The following GRIP1 variants were observed in gnomAD, a reference collection of about 807,000 sequenced individuals.
GRIP1 encodes the protein glutamate receptor-interacting protein 1.
In GRIP1, 45 loss-of-function variants were observed where a neutral mutation model predicts 129.9. That is an observed-to-expected ratio of 0.35 (90% CI 0.27 to 0.44). The LOEUF (loss-of-function observed/expected upper bound fraction) is 0.44. Among genes scored for constraint, GRIP1 ranks in the 20% least tolerant of loss-of-function variants. The probability of loss-of-function intolerance (pLI) is 1.00; values close to 1 mark genes in which losing one functional copy is unlikely to be tolerated. For missense variants in GRIP1, 1,196 were observed against 1,396.8 expected (o/e 0.86, Z 2.29); for synonymous variants, 530 against 520.8 (o/e 1.02, Z -0.24).
intron 13 of GRIP1, 29 bp from the exon 14 acceptor site, chr12:66,432,657 A>C (rs1341765668): frequency 2.4e-6 from 3 of 1,247,848 alleles, no homozygotes; most frequent in Non-Finnish European, 3.5e-6. Context: ...AGAATGTGTT[A>C]ATAGAACACT....
intron 1 of GRIP1, among the ~76,000 whole-genome samples, chr12:66,715,467 T>TGA (rs2035850291): frequency 7.7e-6 from 1 of 129,714 alleles, no homozygotes; most frequent in African/African-American, 2.9e-5. Context: ...TGTGTGTGTG[T>TGA]GTGTGAGAGA....
chr12:67,007,882 G>A lies in GRIP1; in HGVS notation c.58+61168C>T, dbSNP rs935952762. Among the ~76,000 whole-genome samples the A allele has an allele frequency of 3.3e-5, 5 of 152,028 alleles. No individual in the cohort carries two copies. The East Asian group carries it at 9.6e-4, about 29-fold the overall frequency. ...AACAGCTGTGTTCTAGGCCTACAATGTGCATCAACATCTCTGAAATAATAT... is the reference window on the plus strand; with the variant it reads ...AACAGCTGTGTTCTAGGCCTACAATATGCATCAACATCTCTGAAATAATAT... On this transcript the variant is annotated intron_variant, in intron 1 of 1. Coordinates refer to the GRIP1 transcript ENST00000643019.
chr12:66,379,520 C>A, intron 19 of GRIP1, 84 bp from the exon 20 acceptor site: 3 of 1,306,692 alleles, frequency 2.3e-6, no homozygotes, highest in Non-Finnish European at 3.3e-6. Flanking sequence ...GTAGAGGAGT[C>A]AAATTATAAC....
At chr12:66,846,742 T>G (rs569335863) in intron 1 of GRIP1, among the ~76,000 whole-genome samples, 1 of 152,318 alleles carries the variant, frequency 6.6e-6, no homozygotes, top group Non-Finnish European at 1.5e-5. Flanking sequence ...AAAGACAATT[T>G]ATTCTACTTA....
chr12:66,943,618 C>A (rs1344793487), intron 1 of GRIP1, among the ~76,000 whole-genome samples: 1 of 152,166 alleles, frequency 6.6e-6, no homozygotes, highest in African/African-American at 2.4e-5. Context: ...TCAAGGAAAG[C>A]AGCATTGCAG....
chr12:66,641,795 G>A (rs543463335), intron 1 of GRIP1, among the ~76,000 whole-genome samples: 27 of 152,246 alleles, frequency 1.8e-4, no homozygotes, highest in Non-Finnish European at 3.7e-4. Context: ...GCCTTATAAG[G>A]ATCGCAGTGC....
chr12:66,388,160 T>C (rs1021786943), intron 19 of GRIP1, among the ~76,000 whole-genome samples: 1 of 150,266 alleles, frequency 6.7e-6, no homozygotes, highest in Non-Finnish European at 1.5e-5. Context: ...AGAAATCAAA[T>C]AAACTGTTAC....
intron 1 of GRIP1, among the ~76,000 whole-genome samples, chr12:66,649,556 G>A (rs2032636224): frequency 1.3e-5 from 2 of 152,230 alleles, no homozygotes; most frequent in South Asian, 4.1e-4. Flanking sequence ...CTCACAAGGA[G>A]CTTGTAGCCC....
chr12:66,622,430 A>G (rs141009264), intron 1 of GRIP1, among the ~76,000 whole-genome samples: 14 of 152,226 alleles, frequency 9.2e-5, no homozygotes, highest in Admixed American at 8.5e-4. Flanking sequence ...ATATATTTGG[A>G]TTGTTTGCAA....
Position 66,610,895 on chromosome 12 carries a change from A to C in GRIP1, c.56-13968T>G, listed in dbSNP as rs181327947. On this transcript the variant is annotated intron_variant, in intron 1 of 24. Coordinates refer to ENST00000359742, the MANE Select transcript of GRIP1 (RefSeq NM_001366722.1). The stretch of plus-strand genomic sequence containing the variant: ...CCACTGCATACAGAAATAGCTTAGA[A>C]AGGTTATGCATTTGTGTGCAGATCT... Among the ~76,000 whole-genome samples, 11 of 152,286 alleles carry C rather than the reference A, an allele frequency of 7.2e-5. No homozygotes were observed. In the East Asian group the frequency reaches 1.7e-3, roughly 24 times the overall value.
Position 66,371,828 on chromosome 12 carries a change from A to G in GRIP1, c.2878T>C (p.Ser960Pro). The G allele has an allele frequency of 6.2e-7, 1 of 1,613,868 alleles. No individual in the cohort carries two copies. The highest frequency in any genetic ancestry group is 8.5e-7 in the Non-Finnish European group (1 of 1,179,798). Reference sequence around the variant, plus strand: ...GTTGTTTGGCTGTAGTGCGGCCGCGAGCTGCTGCGCTCCTGGAAGCTGGCC... The same window carrying G: ...GTTGTTTGGCTGTAGTGCGGCCGCGGGCTGCTGCGCTCCTGGAAGCTGGCC... ...RQASFQERSS[S>P]RPHYSQTTRS... is the part of the protein sequence containing the mutation. Residue 960 changes from serine to proline, a missense_variant, in exon 23 of 25, where the codon TCG (serine) becomes CCG (proline). Physicochemically the swap from Ser to Pro is moderately conservative, Grantham distance 74 (BLOSUM62 -1). Around this residue, in one of 5 missense-constraint regions of GRIP1, gnomAD observed 427 missense variants for 463.3 expected, o/e 0.92. Coordinates refer to ENST00000359742, the MANE Select transcript of GRIP1 (RefSeq NM_001366722.1).
intron 13 of GRIP1, among the ~76,000 whole-genome samples, chr12:66,437,935 T>A (rs545223188): frequency 1.3e-5 from 2 of 152,266 alleles, no homozygotes; most frequent in South Asian, 4.1e-4. Context: ...GGTCTACGAT[T>A]CACCCTGCTG....
At chr12:66,517,736 T>C (rs552025568) in intron 6 of GRIP1, among the ~76,000 whole-genome samples, 165 bp downstream of exon 6, 6 of 151,748 alleles carry the variant, frequency 4.0e-5, no homozygotes, top group African/African-American at 1.2e-4. Context: ...AGGCAAACCT[T>C]TTTTTTTTCT....
rs554759070 is a variant in GRIP1, at chr12:66,903,304, T to C, written c.58+165746A>G. ...TGTAAACGTGCTGCAGTATTTTTTTTTTTTTTGTAAGTTTAAAAGTCTGTG... is the reference window on the plus strand; with the variant it reads ...TGTAAACGTGCTGCAGTATTTTTTTCTTTTTTGTAAGTTTAAAAGTCTGTG... On this transcript the variant is annotated intron_variant, in intron 1 of 1. Coordinates refer to the GRIP1 transcript ENST00000643019. 3.1e-4 allele frequency among the ~76,000 whole-genome samples: 47 copies of C among 152,060 alleles called. 1 individual carries two copies. Among genetic ancestry groups the C allele is most frequent in the Non-Finnish European group, 7.4e-5 (5 of 67,958 alleles).
At chr12:66,936,430 A>G (rs1394635852) in intron 1 of GRIP1, among the ~76,000 whole-genome samples, 1 of 148,668 alleles carries the variant, frequency 6.7e-6, no homozygotes, top group African/African-American at 2.5e-5. Flanking sequence ...TGTCTCCAAA[A>G]AAAAAAAAAA....
At chr12:66,901,684 A>G (rs1242379938) in intron 1 of GRIP1, among the ~76,000 whole-genome samples, 1 of 152,216 alleles carries the variant, frequency 6.6e-6, no homozygotes, top group Non-Finnish European at 1.5e-5. Context: ...ATAAGACTCT[A>G]CCTGAGACTT....
At chr12:66,358,146 G>T (rs1363499003) in intron 23 of GRIP1, among the ~76,000 whole-genome samples, 9 of 152,166 alleles carry the variant, frequency 5.9e-5, no homozygotes, top group Non-Finnish European at 7.4e-5. Flanking sequence ...TGCACACCTT[G>T]GCCTTCCAAA....
intron 1 of GRIP1, among the ~76,000 whole-genome samples, chr12:66,907,431 G>A (rs2040952336): frequency 6.6e-6 from 1 of 152,054 alleles, no homozygotes; most frequent in African/African-American, 2.4e-5. Context: ...AGCCACAACA[G>A]GTACATTAAG....
At chr12:66,981,329 T>G (rs1380502982) in intron 1 of GRIP1, among the ~76,000 whole-genome samples, 1 of 152,228 alleles carries the variant, frequency 6.6e-6, no homozygotes, top group African/African-American at 2.4e-5. Context: ...TCTTTTCTCA[T>G]TGTAAATTCC....
Sources: gnomAD v4.1 joint callset for allele counts (sites outside exome capture counted in the v4.1 genomes callset) on GRCh38, gnomAD v4.1.1 for gene constraint, gnomAD v4.1.1 regional missense constraint, MANE v1.5 for transcripts, NCBI Gene and HGNC (gene_info 2026-07-23, HGNC 2026-07-21) for gene names.